The following GSG1L variants were observed in gnomAD, a reference collection of about 807,000 sequenced individuals.
GSG1L encodes GSG1 like.
A neutral mutation model predicts 42.1 loss-of-function variants in GSG1L; 24 were observed. That is an observed-to-expected ratio of 0.57 (90% CI 0.41 to 0.80). The LOEUF is 0.80. Ranked by LOEUF, GSG1L falls within the 30% of genes least tolerant of loss-of-function variation. The pLI, the probability that GSG1L is intolerant of heterozygous loss-of-function variation, is 0.00. For synonymous variants in GSG1L, 215 were observed against 203.5 expected, an observed-to-expected ratio of 1.06 and a Z score of -0.48; for missense variants, 445 against 472.2, an observed-to-expected ratio of 0.94 and a Z score of 0.53.
intron 2 of GSG1L, among the ~76,000 whole-genome samples, chr16:27,909,267 C>T (rs1204349959): frequency 6.6e-6 from 1 of 152,094 alleles, no homozygotes; most frequent in Non-Finnish European, 1.5e-5. Flanking sequence ...AGGACCCACA[C>T]CTCATTCACT....
intron 6 of GSG1L, among the ~76,000 whole-genome samples, chr16:27,804,048 T>C (rs1364947118): frequency 2.1e-5 from 1 of 46,992 alleles, no homozygotes; most frequent in African/African-American, 7.8e-5. Context: ...GATAGATAGA[T>C]AGATAGATAG....
intron 2 of GSG1L, among the ~76,000 whole-genome samples, chr16:27,936,941 C>A (rs2141078682): frequency 6.6e-6 from 1 of 152,334 alleles, no homozygotes; most frequent in Non-Finnish European, 1.5e-5. Context: ...CCTACTTACT[C>A]TTGTCCTGAA....
At chr16:28,047,120 G>A (rs1021198142) in intron 1 of GSG1L, among the ~76,000 whole-genome samples, 38 of 152,214 alleles carry the variant, frequency 2.5e-4, no homozygotes, top group African/African-American at 8.9e-4. Flanking sequence ...GAATAAAAAC[G>A]GGGAAAGTTT....
chr16:27,963,250 G>T (rs1264571950), intron 1 of GSG1L, 47 bp from the exon 2 acceptor site: 1 of 1,563,880 alleles, frequency 6.4e-7, no homozygotes, highest in Admixed American at 1.7e-5. Flanking sequence ...GGACACGTGG[G>T]CTTCCGAGGT....
At chr16:28,060,012 G>A (rs1435421412) in intron 1 of GSG1L, among the ~76,000 whole-genome samples, 2 of 152,176 alleles carry the variant, frequency 1.3e-5, no homozygotes, top group African/African-American at 2.4e-5. Flanking sequence ...GCAAACAGGC[G>A]TTGGAGAGGA....
intron 2 of GSG1L, among the ~76,000 whole-genome samples, chr16:27,911,266 G>GCTCTCTCTCTCTCTCTCT (rs71648556): frequency 2.5e-5 from 3 of 122,056 alleles, no homozygotes; most frequent in African/African-American, 7.0e-5. Flanking sequence ...CCTCTCTCTC[G>GCTCTCTCTCTCTCTCTCT]CTCTCTCTCT....
chr16:27,895,417 G>A (rs547224861), intron 2 of GSG1L, among the ~76,000 whole-genome samples: 3 of 152,112 alleles, frequency 2.0e-5, no homozygotes, highest in East Asian at 1.9e-4. Context: ...CTCCCTATAC[G>A]ACGAAATCAG....
At chr16:27,987,266 T>G (rs942051946) in intron 1 of GSG1L, among the ~76,000 whole-genome samples, 1 of 151,082 alleles carries the variant, frequency 6.6e-6, no homozygotes, top group Non-Finnish European at 1.5e-5. Context: ...AAAATAGAAA[T>G]GTCTTCAGAA....
rs1203581420 is a variant in GSG1L, at chr16:28,059,444, T to C, written c.349+3632A>G. Reference sequence around the variant, plus strand: ...TCTTCTCTCTCCAGTCTCACCTCCCTCCTGCCAGCCTGGCAAGTCCCCCAA... The same window carrying C: ...TCTTCTCTCTCCAGTCTCACCTCCCCCCTGCCAGCCTGGCAAGTCCCCCAA... On this transcript the variant is annotated intron_variant, in intron 1 of 6. Transcript: ENST00000447459. This position sits in a 1 kb window ranked among gnomAD's most constrained non-coding sequence, Gnocchi z 4.4. Among the ~76,000 whole-genome samples, 1 of 151,654 alleles carries C rather than the reference T, an allele frequency of 6.6e-6. No homozygotes were observed. Among genetic ancestry groups the C allele is most frequent in the East Asian group, 1.9e-4 (1 of 5,154 alleles).
chr16:27,916,780 A>C (rs2141058544), intron 2 of GSG1L, among the ~76,000 whole-genome samples: 1 of 152,314 alleles, frequency 6.6e-6, no homozygotes, highest in Non-Finnish European at 1.5e-5. Context: ...AAAAGAGTTA[A>C]TATACTCCTG....
chr16:27,882,591 G>A (rs549222572), intron 3 of GSG1L, among the ~76,000 whole-genome samples: 63 of 152,134 alleles, frequency 4.1e-4, no homozygotes, highest in African/African-American at 1.3e-3. Flanking sequence ...CTTTGCTTAC[G>A]CTGTCCACTC....
Position 27,890,842 on chromosome 16 carries a change from A to G in GSG1L, c.398-6204T>C, listed in dbSNP as rs915436039. ...TCAGAAGGTAGTTGGAGTCAACAGG[A>G]TGCCTCTGAACACATGTGGGAAGTG... is the stretch of plus-strand genomic sequence containing the variant. On this transcript the variant is annotated intron_variant, in intron 2 of 6. Transcript: ENST00000447459. Among the ~76,000 whole-genome samples, 4 of 152,202 alleles carry G rather than the reference A, an allele frequency of 2.6e-5. No homozygotes were observed. The South Asian group carries it at 8.3e-4, about 31-fold the overall frequency.
chr16:27,965,625 C>A (rs1484394130), intron 1 of GSG1L, among the ~76,000 whole-genome samples: 1 of 152,178 alleles, frequency 6.6e-6, no homozygotes, highest in African/African-American at 2.4e-5. Context: ...GTAAATGGCA[C>A]CTCCATCCCC....
chr16:27,849,948 C>G lies in GSG1L; in HGVS notation c.551-4887G>C, dbSNP rs979365738. 1.6e-4 allele frequency among the ~76,000 whole-genome samples: 24 copies of G among 149,126 alleles called. 1 individual carries two copies. The highest frequency in any genetic ancestry group is 2.1e-4 in the South Asian group (1 of 4,734). On this transcript the variant is annotated intron_variant, in intron 3 of 6. Transcript: ENST00000447459. ...CAGCGTCTGGGCAGATGCCATTTGC[C>G]AAGATGAAGAAGATGAAGGGAGGAA... is the stretch of plus-strand genomic sequence containing the variant.
In GSG1L at chr16:28,030,576, C is replaced by T. The variant is rs999567918; in HGVS notation, c.349+32500G>A. On this transcript the variant is annotated intron_variant, in intron 1 of 6. Transcript: ENST00000447459. ...CTGGATCCAGCTGAGACTGAAGCCC[C>T]GCTACCTTTTTCTTCACATAAGCCA... 2.6e-5 allele frequency among the ~76,000 whole-genome samples: 4 copies of T among 152,312 alleles called. No homozygotes were observed. The East Asian group carries it at 5.8e-4, about 22-fold the overall frequency.
chr16:27,911,295 C>CTCTCTCTCTCT (rs71140923), intron 2 of GSG1L, among the ~76,000 whole-genome samples: 1 of 129,494 alleles, frequency 7.7e-6, no homozygotes, highest in African/African-American at 3.5e-5. Context: ...CTCTCTCTCT[C>CTCTCTCTCTCT]CTCTCTCTCT....
intron 2 of GSG1L, among the ~76,000 whole-genome samples, chr16:27,955,090 A>G (rs540003543): frequency 4.9e-4 from 75 of 152,356 alleles, no homozygotes; most frequent in African/African-American, 1.8e-3. Context: ...AAACGTGAAC[A>G]TCAGATGTTT....
At chr16:27,903,329 G>A (rs1175235387) in intron 2 of GSG1L, among the ~76,000 whole-genome samples, 1 of 152,186 alleles carries the variant, frequency 6.6e-6, no homozygotes, top group African/African-American at 2.4e-5. Context: ...CACAGAGAGA[G>A]AGAAGTGGGC....
Position 27,828,770 on chromosome 16 carries a change from TA to T in GSG1L, c.830+18del, listed in dbSNP as rs1421197738. On this transcript the variant is annotated intron_variant, in intron 5 of 6. Coordinates refer to ENST00000447459, the MANE Select transcript of GSG1L (RefSeq NM_001109763.2). ...TTAGAGTCCCCGTGGTGGCCAGAGG[TA>T]ACCCCCTGTGCACTGACCTCTCCCG... 1 of 1,606,310 alleles carries T rather than the reference TA, an allele frequency of 6.2e-7. No homozygotes were observed. Among genetic ancestry groups the T allele is most frequent in the South Asian group, 1.1e-5 (1 of 90,582 alleles).
Sources: allele counts gnomAD v4.1 joint callset (sites outside exome capture counted in the v4.1 genomes callset), GRCh38; gene constraint gnomAD v4.1.1; non-coding constraint Gnocchi (gnomAD v3.1); transcripts MANE v1.5; gene names NCBI Gene and HGNC (gene_info 2026-07-23, HGNC 2026-07-21).